Variants in ADGRB3 observed in about 807,000 individuals in gnomAD.
ADGRB3 encodes the protein brain-specific angiogenesis inhibitor 3.
In ADGRB3, 37 loss-of-function variants were observed where a neutral mutation model predicts 193.4. That is an observed-to-expected ratio of 0.19 (90% CI 0.15 to 0.25). ADGRB3 has a LOEUF of 0.25. ADGRB3 is among the 10% of genes least tolerant of loss of function. ADGRB3 has a pLI of 1.00. For missense variants in ADGRB3, 1,637 were observed against 1,852.9 expected (o/e 0.88, Z 2.14); for synonymous variants, 690 against 644.2 (o/e 1.07, Z -1.08).
intron 3 of ADGRB3, among the ~76,000 whole-genome samples, chr6:68,644,041 C>G (rs1768147182): frequency 6.6e-6 from 1 of 151,078 alleles, no homozygotes; most frequent in Admixed American, 6.6e-5. Context: ...CTGAGGCTTT[C>G]AATTATCCAG....
At chr6:68,661,432 CAT>C (rs1491482574) in intron 3 of ADGRB3, among the ~76,000 whole-genome samples, 603 of 50,780 alleles carry the variant, frequency 0.012, 20 homozygotes, top group African/African-American at 0.031. Context: ...TATGTGTATA[CAT>C]ATATATATGT....
At chr6:69,267,418 A>C (rs573947797) in intron 20 of ADGRB3, among the ~76,000 whole-genome samples, 5 of 152,244 alleles carry the variant, frequency 3.3e-5, no homozygotes, top group African/African-American at 1.2e-4. Context: ...TATTAATTTC[A>C]GTATTGTGTG....
At chr6:68,657,719 A>G (rs1011856413) in intron 3 of ADGRB3, among the ~76,000 whole-genome samples, 1 of 151,422 alleles carries the variant, frequency 6.6e-6, no homozygotes, top group African/African-American at 2.4e-5. Flanking sequence ...TTTTAAAAAC[A>G]CTCAGTTTTG....
intron 15 of ADGRB3, 140 bp from the exon 16 acceptor site, chr6:69,062,794 G>T (rs1370843710): frequency 4.9e-6 from 3 of 612,414 alleles, no homozygotes; most frequent in Non-Finnish European, 5.5e-6. Context: ...AGTAAAATGT[G>T]TCTTTCCATG....
At chr6:69,170,186 T>C (rs1775236588) in intron 17 of ADGRB3, among the ~76,000 whole-genome samples, 1 of 152,156 alleles carries the variant, frequency 6.6e-6, no homozygotes, top group African/African-American at 2.4e-5. Context: ...GAAGTAATTT[T>C]CCAAATTTTT....
At chr6:68,961,264 C>T (rs1430836691) in intron 8 of ADGRB3, among the ~76,000 whole-genome samples, 1 of 152,018 alleles carries the variant, frequency 6.6e-6, no homozygotes, top group Non-Finnish European at 1.5e-5. Flanking sequence ...TTTCCTCTAC[C>T]ACGAAGAGCA....
intron 30 of ADGRB3, among the ~76,000 whole-genome samples, chr6:69,376,501 G>A (rs1769823924): frequency 6.6e-6 from 1 of 151,416 alleles, no homozygotes. Flanking sequence ...AATGATGGTG[G>A]ACAGAGGACA....
chr6:69,229,351 T>G (rs1360987343), intron 17 of ADGRB3, among the ~76,000 whole-genome samples: 2 of 152,134 alleles, frequency 1.3e-5, no homozygotes, highest in African/African-American at 2.4e-5. Flanking sequence ...TGCCTAAATT[T>G]TAGAAATTAA....
intron 3 of ADGRB3, among the ~76,000 whole-genome samples, chr6:68,783,406 A>G (rs1766898808): frequency 6.6e-6 from 1 of 150,926 alleles, no homozygotes; most frequent in Admixed American, 6.6e-5. Flanking sequence ...TGTCTAGGCT[A>G]TACTGCAGTA....
intron 3 of ADGRB3, among the ~76,000 whole-genome samples, chr6:68,895,293 G>A (rs1351354308): frequency 1.3e-5 from 2 of 151,152 alleles, no homozygotes; most frequent in Non-Finnish European, 3.0e-5. Context: ...AAGTCACACT[G>A]ACTTGAAATA....
chr6:69,111,385 T>C (rs572047689), intron 17 of ADGRB3, among the ~76,000 whole-genome samples: 3 of 152,348 alleles, frequency 2.0e-5, no homozygotes, highest in African/African-American at 7.2e-5. Context: ...TCCACACTTC[T>C]TGGCTTTTCA....
At chr6:68,939,137 C>A (rs1279445934) in intron 5 of ADGRB3, among the ~76,000 whole-genome samples, 1 of 152,140 alleles carries the variant, frequency 6.6e-6, no homozygotes, top group African/African-American at 2.4e-5. Flanking sequence ...GCTTCTCCCC[C>A]ACAGAACTGC....
intron 17 of ADGRB3, among the ~76,000 whole-genome samples, chr6:69,200,998 AT>A (rs1765407538): frequency 6.6e-6 from 1 of 152,150 alleles, no homozygotes; most frequent in Admixed American, 6.6e-5. Context: ...GATGACAGAA[AT>A]GCTTCACAGA....
chr6:68,807,974 C>A (rs1004065269), intron 3 of ADGRB3, among the ~76,000 whole-genome samples: 17 of 151,978 alleles, frequency 1.1e-4, no homozygotes, highest in South Asian at 2.1e-4. Flanking sequence ...GATGACTTTC[C>A]TAACTTTAAT....
intron 13 of ADGRB3, among the ~76,000 whole-genome samples, chr6:69,040,341 C>CTTTCTTTCT (rs1554251250): frequency 3.9e-5 from 2 of 50,752 alleles, no homozygotes; most frequent in African/African-American, 1.2e-4. Context: ...TTCTTTCTTT[C>CTTTCTTTCT]TTTCTTTCTT....
chr6:68,764,622 TGA>T (rs1484003661), intron 3 of ADGRB3, among the ~76,000 whole-genome samples: 2 of 152,176 alleles, frequency 1.3e-5, no homozygotes, highest in African/African-American at 2.4e-5. Context: ...TCAATGAAGA[TGA>T]GAGTTTCACA....
chr6:68,661,002 A>G lies in ADGRB3; in HGVS notation c.757+21570A>G, dbSNP rs529424914. On this transcript the variant is annotated intron_variant, in intron 3 of 31. Transcript: ENST00000370598. ...TTTGTATGTATTTATTTATAAATAT[A>G]TAATTACTAACATATATAAAGCATC... is the stretch of plus-strand genomic sequence containing the variant. Among the ~76,000 whole-genome samples, 5 of 150,758 alleles carry G rather than the reference A, an allele frequency of 3.3e-5. No homozygotes were observed. In the East Asian group the frequency reaches 9.7e-4, roughly 29 times the overall value.
At chr6:68,849,027 T>C (rs1297017324) in intron 3 of ADGRB3, among the ~76,000 whole-genome samples, 1 of 151,336 alleles carries the variant, frequency 6.6e-6, no homozygotes, top group Non-Finnish European at 1.5e-5. Flanking sequence ...GATTGATTAA[T>C]TTTTTAGGAA....
At chr6:69,254,986 C>G (rs927035215) in intron 20 of ADGRB3, among the ~76,000 whole-genome samples, 1 of 151,142 alleles carries the variant, frequency 6.6e-6, no homozygotes. Flanking sequence ...CGATAGTTTA[C>G]TGAGAATGAT....
Sources: allele counts gnomAD v4.1 joint callset (sites outside exome capture counted in the v4.1 genomes callset), GRCh38; gene constraint gnomAD v4.1.1; transcripts MANE v1.5; gene names NCBI Gene and HGNC (gene_info 2026-07-23, HGNC 2026-07-21).